The following SGCA variants were observed in gnomAD, a reference collection of about 807,000 sequenced individuals.
SGCA encodes alpha-sarcoglycan.
In SGCA, 34 loss-of-function variants were observed where a neutral mutation model predicts 38.1. The observed-to-expected ratio is 0.89, with a 90% CI of 0.68 to 1.19. The LOEUF is 1.19. Among genes scored for constraint, SGCA ranks in the 50% most tolerant of loss-of-function variants. The pLI, the probability that SGCA is intolerant of heterozygous loss-of-function variation, is 0.00. For missense variants in SGCA, 476 were observed against 524.9 expected (o/e 0.91, Z 0.91); for synonymous variants, 209 against 214.6 (o/e 0.97, Z 0.23).
chr17:50,175,508 G>A (rs1905870344), intron 9 of SGCA, 59 bp downstream of exon 9: 1 of 1,482,262 alleles, frequency 6.7e-7, no homozygotes. Flanking sequence ...TTTATCACAA[G>A]GCTGGGGCAA....
chr17:50,170,168 C>T lies in SGCA; in HGVS notation c.773C>T (p.Ala258Val), dbSNP rs1905253208. Residue 258 changes from alanine (A) to valine (V), a missense_variant, in exon 7 of 10, where the codon GCA becomes GTA. By Grantham distance (64) the Ala-to-Val change is moderately conservative (BLOSUM62 0). Transcript: ENST00000262018. ...TLVDKSVPEP[A>V]DEVPTPGDGI... ...GTGGATAAGTCAGTGCCGGAGCCTG[C>T]AGATGAGGTGCCCACCCCAGGTGAT... is the stretch of plus-strand genomic sequence containing the variant. 6.2e-7 allele frequency: 1 copy of T among 1,614,012 alleles called. No homozygotes were observed. Among genetic ancestry groups the T allele is most frequent in the African/African-American group, 1.3e-5 (1 of 74,904 alleles).
chr17:50,167,555 C>T lies in SGCA; in HGVS notation c.158-27C>T, dbSNP rs201937845. ...ACCCCGCAGGGCTCCTGCTGTGACT[C>T]GAATCCCCTCTCCTCGCTTCCACCA... is the stretch of plus-strand genomic sequence containing the variant. On this transcript the variant is annotated intron_variant, in intron 2 of 9. Coordinates refer to ENST00000262018, the MANE Select transcript of SGCA (RefSeq NM_000023.4). The surrounding 1 kb of genome is among the most constrained non-coding windows in gnomAD (Gnocchi z 4.5). 1.1e-5 allele frequency: 18 copies of T among 1,613,662 alleles called. No homozygotes were observed. Among genetic ancestry groups the T allele is most frequent in the Admixed American group, 3.3e-5 (2 of 60,016 alleles).
chr17:50,169,039 G>A (rs1905156370), intron 5 of SGCA, 53 bp from the exon 6 acceptor site: 1 of 1,553,984 alleles, frequency 6.4e-7, no homozygotes, highest in South Asian at 1.1e-5. Context: ...GCAGAGTGGT[G>A]CCTCGTGCCC....
chr17:50,174,826 T>C (rs912081796), intron 8 of SGCA, among the ~76,000 whole-genome samples: 4 of 151,924 alleles, frequency 2.6e-5, no homozygotes, highest in Admixed American at 2.0e-4. Flanking sequence ...TTTTTTCTTC[T>C]TTTTTTTACT....
At chr17:50,166,159 C>A in intron 1 of SGCA, 82 bp downstream of exon 1, 1 of 1,206,152 alleles carries the variant, frequency 8.3e-7, no homozygotes, top group Non-Finnish European at 1.2e-6. Context: ...TGTGGAGGGC[C>A]CACAGAAGAG....
At position 50,169,211 on chromosome 17, in the gene SGCA, C is replaced by T. The variant is rs1219162630; in HGVS notation, c.704C>T (p.Thr235Ile). ...GQPPLLSCYD[T>I]LAPHFRVDWC... ...CCTCCACTTCTGTCTTGCTACGACA[C>T]CTTGGCACCCCACTTCCGCGTTGAC... Residue 235 changes from threonine (T) to isoleucine (I), a missense_variant, in exon 6 of 10, where the codon ACC (threonine) becomes ATC (isoleucine). Transcript: ENST00000262018. The T allele has an allele frequency of 1.2e-6, 2 of 1,613,998 alleles. No individual in the cohort carries two copies. The highest frequency in any genetic ancestry group is 1.7e-6 in the Non-Finnish European group (2 of 1,179,948).
In SGCA at chr17:50,175,465, G is replaced by T. The variant is rs1351598729; in HGVS notation, c.*12+16G>T. On this transcript the variant is annotated intron_variant, in intron 9 of 9. Transcript: ENST00000262018. ...GCCTAGCCAGGTAGGTCTGGTGGGT[G>T]ATGCCAGCCTTATTTCTGGGAACAA... 6.2e-7 allele frequency: 1 copy of T among 1,601,682 alleles called. No homozygotes were observed. Among genetic ancestry groups the T allele is most frequent in the Admixed American group, 1.7e-5 (1 of 59,880 alleles).
intron 5 of SGCA, among the ~76,000 whole-genome samples, 182 bp downstream of exon 5, chr17:50,168,754 G>C (rs1167318733): frequency 6.6e-6 from 1 of 151,960 alleles, no homozygotes; most frequent in African/African-American, 2.4e-5. Flanking sequence ...CCAGAGCCTA[G>C]ACCCTAGTTA....
chr17:50,175,200 G>C (rs372986947), intron 8 of SGCA, 57 bp from the exon 9 acceptor site: 65 of 1,526,618 alleles, frequency 4.3e-5, no homozygotes, highest in Admixed American at 1.7e-4. Context: ...GCAGTTCCAG[G>C]CTGTACTCCA....
chr17:50,171,806 G>C (rs927157251), intron 8 of SGCA: 1 of 456,768 alleles, frequency 2.2e-6, no homozygotes, highest in Non-Finnish European at 4.4e-6. Flanking sequence ...GGTGGAAACA[G>C]CCTTCTTCAG....
chr17:50,167,283 C>T lies in SGCA; in HGVS notation c.38-85C>T. 6.3e-7 allele frequency: 1 copy of T among 1,597,250 alleles called. No individual in the cohort carries two copies. Among genetic ancestry groups the T allele is most frequent in the Non-Finnish European group, 8.6e-7 (1 of 1,169,036 alleles). On this transcript the variant is annotated intron_variant, in intron 1 of 9. Coordinates refer to ENST00000262018, the MANE Select transcript of SGCA (RefSeq NM_000023.4). This position sits in a 1 kb window ranked among gnomAD's most constrained non-coding sequence, Gnocchi z 4.5. ...CGCTTCTCTCGGTCCCTTAGGGGCT[C>T]CAAGGACTTGGTGGGGAAGGGAGCT...
At chr17:50,166,678 C>CCT (rs1555567759) in intron 1 of SGCA, among the ~76,000 whole-genome samples, 2 of 142,372 alleles carry the variant, frequency 1.4e-5, no homozygotes, top group African/African-American at 2.6e-5. Flanking sequence ...ACACACACAC[C>CCT]CACACACACC....
chr17:50,171,965 C>G, intron 8 of SGCA: 1 of 456,622 alleles, frequency 2.2e-6, no homozygotes, highest in South Asian at 1.5e-5. Context: ...TGGCCTCCAC[C>G]CATGGCAGTA....
chr17:50,168,714 C>T, intron 5 of SGCA, 142 bp downstream of exon 5: 1 of 771,754 alleles, frequency 1.3e-6, no homozygotes, highest in Non-Finnish European at 2.2e-6. Context: ...CACCACTCTC[C>T]TCTGGCTATA....
chr17:50,169,402 T>G (rs1905191422), intron 6 of SGCA, 148 bp downstream of exon 6: 1 of 604,296 alleles, frequency 1.7e-6, no homozygotes, highest in East Asian at 2.9e-5. Context: ...GCCCACAGGC[T>G]TAGTCTGAGG....
intron 8 of SGCA, 160 bp from the exon 9 acceptor site, chr17:50,175,097 C>A: frequency 1.3e-6 from 1 of 752,500 alleles, no homozygotes; most frequent in East Asian, 2.7e-5. Flanking sequence ...ACGCCCGGCC[C>A]CATAGAGCTT....
intron 8 of SGCA, among the ~76,000 whole-genome samples, chr17:50,172,677 A>T (rs145676626): frequency 3.7e-4 from 56 of 152,266 alleles, no homozygotes; most frequent in African/African-American, 1.3e-3. Flanking sequence ...TGATCCCACC[A>T]TCTTGACCCA....
intron 4 of SGCA, 76 bp downstream of exon 4, chr17:50,168,095 G>A (rs1487476097): frequency 7.2e-7 from 1 of 1,394,720 alleles, no homozygotes; most frequent in Non-Finnish European, 1.0e-6. Flanking sequence ...GGAGGGGGCT[G>A]TGGACAGGAG....
At chr17:50,172,031 C>A (rs562768303) in intron 8 of SGCA, 1 of 456,066 alleles carries the variant, frequency 2.2e-6, no homozygotes, top group East Asian at 7.0e-5. Context: ...TGCTTCTCTC[C>A]CTGGGGTAGG....
Sources: gnomAD v4.1 joint callset for allele counts (sites outside exome capture counted in the v4.1 genomes callset) on GRCh38, gnomAD v4.1.1 for gene constraint, Gnocchi (gnomAD v3.1) non-coding constraint, MANE v1.5 for transcripts, NCBI Gene and HGNC (gene_info 2026-07-23, HGNC 2026-07-21) for gene names.